CRACD: variants seen among roughly 807,000 people sequenced by gnomAD.
CRACD encodes the protein capping protein inhibiting regulator of actin dynamics.
A neutral mutation model predicts 106.8 loss-of-function variants in CRACD; 56 were observed. That is an observed-to-expected ratio of 0.52 (90% confidence interval 0.42 to 0.66). The LOEUF is 0.66. Ranked by LOEUF, CRACD falls within the 30% of genes least tolerant of loss-of-function variation. The pLI, the probability that CRACD is intolerant of heterozygous loss-of-function variation, is 0.00. For synonymous variants in CRACD, 754 were observed against 670.8 expected (o/e 1.12, Z -1.92); for missense variants, 1,730 against 1,623.2 (o/e 1.07, Z -1.13).
intron 4 of CRACD, among the ~76,000 whole-genome samples, chr4:56,302,196 T>C (rs955189966): frequency 3.3e-5 from 5 of 152,228 alleles, no homozygotes; most frequent in Non-Finnish European, 7.3e-5. Flanking sequence ...CAATCACTAT[T>C]GAACTGCTGT....
At chr4:56,287,664 C>G (rs1743449795) in intron 3 of CRACD, among the ~76,000 whole-genome samples, 1 of 152,156 alleles carries the variant, frequency 6.6e-6, no homozygotes, top group African/African-American at 2.4e-5. Context: ...TGGGTTCAAA[C>G]TATTCTCCCT....
At chr4:56,068,284 C>A (rs1342076367) in intron 1 of CRACD, among the ~76,000 whole-genome samples, 1 of 152,168 alleles carries the variant, frequency 6.6e-6, no homozygotes, top group Non-Finnish European at 1.5e-5. Flanking sequence ...GCAAGTGTAA[C>A]GGGCCAAGGC....
intron 2 of CRACD, among the ~76,000 whole-genome samples, chr4:56,184,019 G>A (rs7442400): frequency 0.033 from 5,028 of 152,060 alleles, 114 homozygotes; most frequent in Admixed American, 0.056. Context: ...ATAAAGAAGG[G>A]GAAAAAAAGC....
rs543570094 is a variant in CRACD at position 56,071,863 on chromosome 4, C to G, written c.-336+22564C>G. Reference sequence around the variant, plus strand: ...AGAATTGGGGCCGGGCGCGGTGGCTCACGCCTGTAATCCCAGCACTTTGGG... The same window carrying G: ...AGAATTGGGGCCGGGCGCGGTGGCTGACGCCTGTAATCCCAGCACTTTGGG... On this transcript the variant is annotated intron_variant, in intron 1 of 10. Transcript: ENST00000682029. 1.2e-4 allele frequency among the ~76,000 whole-genome samples: 18 copies of G among 151,560 alleles called. No homozygotes were observed. In the East Asian group the frequency reaches 3.2e-3, roughly 27 times the overall value.
chr4:56,165,061 T>C (rs745540094), intron 1 of CRACD, among the ~76,000 whole-genome samples: 10 of 152,216 alleles, frequency 6.6e-5, no homozygotes, highest in Non-Finnish European at 1.3e-4. Context: ...TCTTTGCAGA[T>C]TCCAGAGCAG....
chr4:56,290,796 C>T (rs936764883), intron 3 of CRACD, among the ~76,000 whole-genome samples: 2 of 152,310 alleles, frequency 1.3e-5, no homozygotes, highest in Non-Finnish European at 2.9e-5. Context: ...AACTTCTGCT[C>T]TTGGGACCTC....
intron 2 of CRACD, among the ~76,000 whole-genome samples, chr4:56,253,313 C>T (rs557478505): frequency 3.4e-4 from 51 of 152,182 alleles, no homozygotes; most frequent in Middle Eastern, 3.4e-3. Context: ...TAATTGATAA[C>T]GTTATAAGTT....
intron 8 of CRACD, among the ~76,000 whole-genome samples, chr4:56,318,516 G>A (rs1030025033): frequency 1.4e-4 from 22 of 152,176 alleles, no homozygotes; most frequent in Admixed American, 5.2e-4. Flanking sequence ...CTCCAAAGAA[G>A]TCATGCTTCT....
intron 2 of CRACD, among the ~76,000 whole-genome samples, chr4:56,260,529 CCA>C (rs1397019677): frequency 6.6e-6 from 1 of 152,110 alleles, no homozygotes; most frequent in Non-Finnish European, 1.5e-5. Flanking sequence ...GATATAGTCC[CCA>C]GTTATTTAAT....
chr4:56,323,114 G>A lies in CRACD; in HGVS notation c.3188-263G>A, dbSNP rs533312317. Among the ~76,000 whole-genome samples the A allele has an allele frequency of 4.6e-5, 7 of 152,268 alleles. No individual in the cohort carries two copies. The South Asian group carries it at 1.2e-3, about 27-fold the overall frequency. On this transcript the variant is annotated intron_variant, in intron 8 of 10. Coordinates refer to ENST00000682029, the MANE Select transcript of CRACD (RefSeq NM_001393381.1). ...TGGAGGCCTGAGATGTTATGACCCTGGAGATTTATTTGAGTTTTTTTCTAA... is the reference window on the plus strand; with the variant it reads ...TGGAGGCCTGAGATGTTATGACCCTAGAGATTTATTTGAGTTTTTTTCTAA...
At chr4:56,279,474 G>A (rs1188894718) in intron 3 of CRACD, among the ~76,000 whole-genome samples, 1 of 152,168 alleles carries the variant, frequency 6.6e-6, no homozygotes, top group Admixed American at 6.5e-5. Flanking sequence ...CCATCAACAA[G>A]TGGGCGAAGG....
chr4:56,276,695 C>G (rs1333011470), intron 3 of CRACD, among the ~76,000 whole-genome samples: 1 of 152,196 alleles, frequency 6.6e-6, no homozygotes, highest in Non-Finnish European at 1.5e-5. Context: ...CTGTGCCTCT[C>G]AAGGAGGCTG....
intron 1 of CRACD, among the ~76,000 whole-genome samples, chr4:56,177,116 T>C (rs1047861207): frequency 5.3e-5 from 8 of 152,208 alleles, no homozygotes; most frequent in African/African-American, 1.9e-4. Context: ...GTGGTGAAAC[T>C]GGGCATCCCT....
Position 56,315,832 on chromosome 4 carries a change from A to G in CRACD, c.2330A>G (p.Glu777Gly). The G allele has an allele frequency of 6.2e-7, 1 of 1,614,200 alleles. No individual in the cohort carries two copies. The highest frequency in any genetic ancestry group is 8.5e-7 in the Non-Finnish European group (1 of 1,180,036). ...CTCGGGAAGGGTCCGGAGAAGTCGG[A>G]GATGCACCGGGAGCCCGCAGACACC... ...RELGKGPEKS[E>G]MHREPADTTE... is the part of the protein sequence containing the mutation. The change falls in exon 8 of 11, where the codon GAG (glutamate) becomes GGG (glycine). Residue 777 changes from glutamate to glycine, a missense_variant. By Grantham distance (98) the Glu-to-Gly change is moderately conservative. Around this residue, in one of 5 missense-constraint regions of CRACD, gnomAD observed 1,620 missense variants for 1,481.6 expected, o/e 1.09. Coordinates refer to ENST00000682029, the MANE Select transcript of CRACD (RefSeq NM_001393381.1). This position sits in a 1 kb window ranked among gnomAD's most constrained non-coding sequence, Gnocchi z 4.1.
intron 2 of CRACD, among the ~76,000 whole-genome samples, chr4:56,223,991 T>C (rs553707311): frequency 1.3e-5 from 2 of 152,286 alleles, no homozygotes; most frequent in East Asian, 3.9e-4. Flanking sequence ...ATTCCTGGCC[T>C]CAAGCAATCC....
chr4:56,320,411 T>A (rs1746009721), intron 8 of CRACD, among the ~76,000 whole-genome samples: 1 of 152,198 alleles, frequency 6.6e-6, no homozygotes, highest in Non-Finnish European at 1.5e-5. Context: ...TAATTAGGAA[T>A]TTTGAACTCC....
intron 1 of CRACD, among the ~76,000 whole-genome samples, chr4:56,139,567 TG>T (rs1008692852): frequency 1.3e-5 from 2 of 152,196 alleles, no homozygotes; most frequent in Non-Finnish European, 2.9e-5. Context: ...GCTGGGGCAA[TG>T]TCTGCTCAGT....
At chr4:56,209,365 T>G (rs899715882) in intron 2 of CRACD, among the ~76,000 whole-genome samples, 8 of 151,838 alleles carry the variant, frequency 5.3e-5, no homozygotes, top group East Asian at 3.9e-4. Flanking sequence ...CTAGACAAAT[T>G]TTTTTTTAAC....
intron 1 of CRACD, among the ~76,000 whole-genome samples, chr4:56,166,611 C>A (rs575794361): frequency 7.7e-6 from 1 of 129,598 alleles, no homozygotes. Context: ...ACCTAGGAAG[C>A]GGAGGTTGCA....
Sources: gnomAD v4.1 joint callset for allele counts (sites outside exome capture counted in the v4.1 genomes callset) on GRCh38, gnomAD v4.1.1 for gene constraint, gnomAD v4.1.1 regional missense constraint, Gnocchi (gnomAD v3.1) non-coding constraint, MANE v1.5 for transcripts, NCBI Gene and HGNC (gene_info 2026-07-23, HGNC 2026-07-21) for gene names.